The following NKTR variants were observed in gnomAD, a reference collection of about 807,000 sequenced individuals.
The protein encoded by NKTR is NK-tumor recognition protein.
NKTR carries 67 observed loss-of-function variants against 156.3 expected under a neutral mutation model. The observed-to-expected ratio is 0.43, with a 90% CI of 0.35 to 0.53. NKTR has a LOEUF of 0.53. Ranked by LOEUF, NKTR falls within the 20% of genes least tolerant of loss-of-function variation. NKTR has a pLI of 0.01. For missense variants in NKTR, 1,604 were observed against 1,730.9 expected, an observed-to-expected ratio of 0.93 and a Z score of 1.30; for synonymous variants, 640 against 596.6, an observed-to-expected ratio of 1.07 and a Z score of -1.06.
At chr3:42,634,362 A>C (rs1380462276) in intron 10 of NKTR, among the ~76,000 whole-genome samples, 1 of 152,236 alleles carries the variant, frequency 6.6e-6, no homozygotes, top group Non-Finnish European at 1.5e-5. Flanking sequence ...GGTGTCATTG[A>C]TAAGTTCCCT....
intron 5 of NKTR, chr3:42,620,152 T>C (rs1707777876): frequency 4.3e-6 from 6 of 1,392,600 alleles, no homozygotes; most frequent in Non-Finnish European, 5.6e-6. Context: ...TCTATATTGC[T>C]TGAAGACTTG....
At chr3:42,609,449 C>T (rs1022033679) in intron 2 of NKTR, among the ~76,000 whole-genome samples, 4 of 152,078 alleles carry the variant, frequency 2.6e-5, no homozygotes, top group African/African-American at 9.7e-5. Flanking sequence ...CAGTTTGTTC[C>T]AGAAGATTGT....
rs562580152 is a variant in NKTR, at chr3:42,642,642, C to T, written c.4142+46C>T. ...TGTGATGTGGTCTCCATCATGTCCA[C>T]TTTTTAAGGCTACATAGGCAGAGGG... On this transcript the variant is annotated intron_variant, in intron 14 of 16. Coordinates refer to ENST00000232978, the MANE Select transcript of NKTR (RefSeq NM_005385.4). The T allele has an allele frequency of 1.1e-4, 148 of 1,334,250 alleles. 1 individual carries two copies. The South Asian group carries it at 1.7e-3, about 15-fold the overall frequency. 82.7% of individuals were successfully genotyped at this position (1,334,250 alleles called of 1,614,324 possible).
Position 42,606,100 on chromosome 3 carries a change from G to T in NKTR, c.58+5036G>T, listed in dbSNP as rs1444382795. 3.3e-5 allele frequency among the ~76,000 whole-genome samples: 5 copies of T among 152,266 alleles called. No homozygotes were observed. The East Asian group carries it at 9.6e-4, about 29-fold the overall frequency. Reference sequence around the variant, plus strand: ...TGAAGGCCACTGTGCTAATGACAGTGCTGGGAATGGAGGCAGAAATGAGGT... The same window carrying T: ...TGAAGGCCACTGTGCTAATGACAGTTCTGGGAATGGAGGCAGAAATGAGGT... On this transcript the variant is annotated intron_variant, in intron 2 of 16. Transcript: ENST00000232978.
intron 2 of NKTR, among the ~76,000 whole-genome samples, chr3:42,606,196 T>C (rs1314481562): frequency 1.3e-5 from 2 of 152,210 alleles, no homozygotes; most frequent in Non-Finnish European, 2.9e-5. Flanking sequence ...AAATTTATTA[T>C]TGATACTCCT....
At chr3:42,620,667 C>G (rs1251402138) in intron 5 of NKTR, 1 of 983,896 alleles carries the variant, frequency 1.0e-6, no homozygotes, top group Non-Finnish European at 1.2e-6. Context: ...AAGGATATTC[C>G]TGCTGGAATT....
chr3:42,630,998 C>A, intron 7 of NKTR, 173 bp from the exon 8 acceptor site: 1 of 1,418,994 alleles, frequency 7.0e-7, no homozygotes, highest in Non-Finnish European at 9.2e-7. Context: ...ATAATCGTTT[C>A]CTTTTATGAA....
chr3:42,645,324 T>C, intron 16 of NKTR, among the ~76,000 whole-genome samples: 1 of 152,242 alleles, frequency 6.6e-6, no homozygotes, highest in East Asian at 1.9e-4. Context: ...TCCTAAGATG[T>C]GATGTTTCTT....
intron 6 of NKTR, chr3:42,629,083 GTCTTT>G: frequency 1.1e-6 from 1 of 948,628 alleles, no homozygotes; most frequent in Non-Finnish European, 1.3e-6. Flanking sequence ...CCAATTTCTT[GTCTTT>G]AGTGTACTTT....
Position 42,639,069 on chromosome 3 carries a change from T to A in NKTR, c.3365T>A (p.Val1122Glu). The A allele has an allele frequency of 6.2e-7, 1 of 1,614,148 alleles. No individual in the cohort carries two copies. Among genetic ancestry groups the A allele is most frequent in the Non-Finnish European group, 8.5e-7 (1 of 1,180,014 alleles). The change falls in exon 13 of 17, where the codon GTG (valine) becomes GAG (glutamate). Residue 1122 changes from valine to glutamate, a missense_variant. This residue lies in a region of NKTR where 1,255 missense variants were observed against 1,243.7 expected (regional missense o/e 1.01). Transcript: ENST00000232978. Reference protein sequence around the residue: ...EESVPNGVEDVLQTDDNMEIC... With the variant: ...EESVPNGVEDELQTDDNMEIC... The stretch of plus-strand genomic sequence containing the variant: ...AGTGTTCCCAATGGAGTGGAAGATG[T>A]GCTTCAAACAGATGACAACATGGAG...
intron 6 of NKTR, chr3:42,629,394 T>C: frequency 1.1e-6 from 1 of 922,884 alleles, no homozygotes; most frequent in Non-Finnish European, 1.3e-6. Flanking sequence ...TCTGTAGTGC[T>C]CTTACAGAAC....
At position 42,638,595 on chromosome 3, in the gene NKTR, G is replaced by T; in HGVS notation, c.2891G>T (p.Cys964Phe). The change falls in exon 13 of 17, where the codon TGT (cysteine) becomes TTT (phenylalanine). Residue 964 changes from cysteine to phenylalanine, a missense_variant. This residue lies in a region of NKTR where 1,255 missense variants were observed against 1,243.7 expected (regional missense o/e 1.01). Coordinates refer to ENST00000232978, the MANE Select transcript of NKTR (RefSeq NM_005385.4). ...RTSTSDSEGS[C>F]SNSENNRGKP... ...TCAACTTCTGACTCTGAGGGGTCCT[G>T]TTCCAATTCGGAAAACAATAGGGGA... 1.2e-6 allele frequency: 2 copies of T among 1,614,006 alleles called. No individual in the cohort carries two copies. Among genetic ancestry groups the T allele is most frequent in the Non-Finnish European group, 1.7e-6 (2 of 1,180,000 alleles).
At chr3:42,625,349 A>G (rs1188912340) in intron 6 of NKTR, among the ~76,000 whole-genome samples, 1 of 152,128 alleles carries the variant, frequency 6.6e-6, no homozygotes, top group African/African-American at 2.4e-5. Flanking sequence ...TAAGAAAACA[A>G]GATAATATAG....
chr3:42,601,179 C>A, intron 2 of NKTR, 115 bp downstream of exon 2: 2 of 784,156 alleles, frequency 2.6e-6, no homozygotes, highest in Non-Finnish European at 3.8e-6. Flanking sequence ...GAGGCGCAGG[C>A]AACTTTCCGT....
chr3:42,637,900 C>T lies in NKTR; in HGVS notation c.2196C>T (p.Tyr732=), dbSNP rs1299669940. The T allele has an allele frequency of 1.2e-6, 2 of 1,614,030 alleles. No individual in the cohort carries two copies. Among genetic ancestry groups the T allele is most frequent in the East Asian group, 2.2e-5 (1 of 44,886 alleles). Residue 732 remains tyrosine (Y), a synonymous_variant, in exon 13 of 17, where the codon TAC becomes TAT. Transcript: ENST00000232978. ...PSSRSHSRNK[Y]SDHSQCSRSS... ...CTAGATCTCATTCACGAAATAAATA[C>T]AGTGATCATTCACAGTGTAGTAGAT...
At chr3:42,636,664 T>A (rs1577561483) in intron 12 of NKTR, among the ~76,000 whole-genome samples, 1 of 152,256 alleles carries the variant, frequency 6.6e-6, no homozygotes, top group East Asian at 1.9e-4. Context: ...AAAAAAAAAA[T>A]CCTTTTGTAA....
rs201711900 is a variant in NKTR, at chr3:42,636,921, C to G, written c.1217C>G (p.Ser406Cys). The G allele has an allele frequency of 5.6e-5, 89 of 1,586,542 alleles. No individual in the cohort carries two copies. Among genetic ancestry groups the G allele is most frequent in the Admixed American group, 1.2e-4 (6 of 51,316 alleles). ...GATGAAAGAAGCTTGTCTCAGAGAT[C>G]CAGATCATGGTCCTATAATGGATAT... ...RWDERSLSQR[S>C]RSWSYNGYYS... is the part of the protein sequence containing the mutation. The change falls in exon 13 of 17, where the codon TCC becomes TGC. Residue 406 changes from serine to cysteine, a missense_variant. Coordinates refer to ENST00000232978, the MANE Select transcript of NKTR (RefSeq NM_005385.4).
intron 6 of NKTR, among the ~76,000 whole-genome samples, chr3:42,621,959 CTT>C (rs907767836): frequency 1.3e-5 from 2 of 151,926 alleles, no homozygotes; most frequent in African/African-American, 2.4e-5. Context: ...TACTGTTGCT[CTT>C]TGAGGCAATT....
At chr3:42,619,385 C>A in intron 4 of NKTR, 1 of 1,184,582 alleles carries the variant, frequency 8.4e-7, no homozygotes, top group Non-Finnish European at 1.1e-6. Context: ...CAATGAATGC[C>A]AAAGTACTGT....
Sources: allele counts gnomAD v4.1 joint callset (sites outside exome capture counted in the v4.1 genomes callset), GRCh38; gene constraint gnomAD v4.1.1; regional missense constraint gnomAD v4.1.1; transcripts MANE v1.5; gene names NCBI Gene and HGNC (gene_info 2026-07-23, HGNC 2026-07-21).